The following TCF7L2 variants were observed in gnomAD, a reference collection of about 807,000 sequenced individuals.
TCF7L2 encodes the protein transcription factor 7-like 2.
TCF7L2 carries 23 observed loss-of-function variants against 77.9 expected under a neutral mutation model. The ratio of observed to expected loss-of-function variants is 0.30; its 90% CI spans 0.21 to 0.42. TCF7L2 has a LOEUF of 0.42. TCF7L2 is among the 10% of genes least tolerant of loss of function. The pLI is 1.00. For synonymous variants in TCF7L2, 413 were observed against 340.2 expected, an observed-to-expected ratio of 1.21 and a Z score of -2.36; for missense variants, 654 against 793.1, an observed-to-expected ratio of 0.82 and a Z score of 2.11.
At chr10:113,144,097 T>A in intron 7 of TCF7L2, 72 bp downstream of exon 7, 1 of 899,788 alleles carries the variant, frequency 1.1e-6, no homozygotes, top group Non-Finnish European at 1.5e-6. Flanking sequence ...TCTGTGTGTG[T>A]GTCTGTGTGT....
chr10:113,126,617 G>C (rs888016009), intron 5 of TCF7L2: 2 of 985,030 alleles, frequency 2.0e-6, no homozygotes, highest in Non-Finnish European at 2.4e-6. Context: ...TTGTGGAATC[G>C]GGGGAGATCC....
intron 4 of TCF7L2, among the ~76,000 whole-genome samples, chr10:113,004,966 C>G (rs1191204334): frequency 6.6e-6 from 1 of 152,118 alleles, no homozygotes; most frequent in African/African-American, 2.4e-5. Context: ...AGCCACTGTG[C>G]CCAGCCTAGG....
chr10:113,126,604 T>C, intron 5 of TCF7L2: 1 of 983,980 alleles, frequency 1.0e-6, no homozygotes, highest in Non-Finnish European at 1.2e-6. Flanking sequence ...GGGGGGTGGG[T>C]TGTTGTGGAA....
intron 5 of TCF7L2, among the ~76,000 whole-genome samples, chr10:113,102,124 A>C (rs1293843425): frequency 6.2e-5 from 9 of 146,088 alleles, no homozygotes; most frequent in East Asian, 2.0e-4. Context: ...AAAAAAAAAA[A>C]AAAAAAAAAA....
At chr10:113,160,033 T>C (rs749446355) in intron 12 of TCF7L2, 41 bp downstream of exon 14, 3 of 1,578,864 alleles carry the variant, frequency 1.9e-6, no homozygotes, top group Middle Eastern at 1.7e-4. Flanking sequence ...GGTTTGCAGC[T>C]GGTCTATTCG....
intron 4 of TCF7L2, among the ~76,000 whole-genome samples, chr10:112,996,336 G>A (rs1218691250): frequency 2.6e-5 from 4 of 152,180 alleles, no homozygotes; most frequent in African/African-American, 7.2e-5. Context: ...TGCTGCTTTC[G>A]GTGATGCCCG....
intron 5 of TCF7L2, among the ~76,000 whole-genome samples, chr10:113,059,261 A>G (rs2055991234): frequency 6.6e-6 from 1 of 152,102 alleles, no homozygotes; most frequent in Non-Finnish European, 1.5e-5. Context: ...ACCGGCTTGC[A>G]TATCATTTCA....
At position 112,988,135 on chromosome 10, in the gene TCF7L2, C is replaced by G. The variant is rs142780344; in HGVS notation, c.450+23511C>G. 2.0e-5 allele frequency among the ~76,000 whole-genome samples: 3 copies of G among 151,224 alleles called. No individual in the cohort carries two copies. In the South Asian group the frequency reaches 6.3e-4, roughly 32 times the overall value. ...GTGTGTTTTGAGACAGAGTCTTGCT[C>G]TTGTTGCCCAGGCTGGAGTACAGTG... On this transcript the variant is annotated intron_variant, in intron 4 of 13. Coordinates refer to ENST00000627217, the MANE Select transcript of TCF7L2 (RefSeq NM_001146274.2).
intron 5 of TCF7L2, among the ~76,000 whole-genome samples, chr10:113,086,156 A>T (rs1407360828): frequency 3.3e-5 from 5 of 152,136 alleles, no homozygotes; most frequent in Admixed American, 6.5e-5. Flanking sequence ...ATTTACTTTT[A>T]TCCTGTAACA....
At chr10:113,076,722 C>A (rs1440615544) in intron 5 of TCF7L2, among the ~76,000 whole-genome samples, 1 of 152,146 alleles carries the variant, frequency 6.6e-6, no homozygotes, top group East Asian at 1.9e-4. Flanking sequence ...TGTTAAGTGG[C>A]TTTGTTGAAG....
chr10:112,998,494 T>G (rs927080145), intron 4 of TCF7L2, among the ~76,000 whole-genome samples: 1 of 152,164 alleles, frequency 6.6e-6, no homozygotes, highest in Admixed American at 6.5e-5. Context: ...GAAGATTCCT[T>G]TTTAAATGGT....
chr10:113,165,921 G>C lies in TCF7L2; in HGVS notation c.1758G>C (p.Leu586=), dbSNP rs768373644. 1.9e-6 allele frequency: 3 copies of C among 1,570,584 alleles called. No homozygotes were observed. In the South Asian group the frequency reaches 3.5e-5, roughly 18 times the overall value. Residue 586 remains leucine (L), a synonymous_variant, in exon 14 of 14, where the codon CTG becomes CTC. Transcript: ENST00000627217. ...CTTCCTTACATTCCCACAGCTCCCT[G>C]GCCGGGACCCAGCCCCAGCCGCTGT...
intron 5 of TCF7L2, among the ~76,000 whole-genome samples, chr10:113,108,189 G>A (rs1378432293): frequency 6.6e-6 from 1 of 152,126 alleles, no homozygotes; most frequent in East Asian, 1.9e-4. Context: ...AACCATGTTT[G>A]CACAGTGATC....
At chr10:112,954,997 C>T (rs1449584629) in intron 3 of TCF7L2, among the ~76,000 whole-genome samples, 1 of 152,042 alleles carries the variant, frequency 6.6e-6, no homozygotes, top group Non-Finnish European at 1.5e-5. Context: ...GAAAAATGGA[C>T]GTTTTTTCCT....
chr10:113,046,521 A>C (rs1404767238), intron 5 of TCF7L2, among the ~76,000 whole-genome samples: 1 of 152,162 alleles, frequency 6.6e-6, no homozygotes, highest in Non-Finnish European at 1.5e-5. Flanking sequence ...TTTTGCTGTT[A>C]AATTCTGCTA....
At chr10:113,135,611 G>A (rs2067278329) in intron 5 of TCF7L2, among the ~76,000 whole-genome samples, 1 of 152,162 alleles carries the variant, frequency 6.6e-6, no homozygotes, top group Non-Finnish European at 1.5e-5. Flanking sequence ...GCCCAGAACT[G>A]ACGACATAAA....
At chr10:112,980,704 T>C (rs532930378) in intron 4 of TCF7L2, among the ~76,000 whole-genome samples, 1 of 152,080 alleles carries the variant, frequency 6.6e-6, no homozygotes, top group East Asian at 1.9e-4. Context: ...CTTGGCTCAC[T>C]GCAAGCTCCG....
chr10:113,103,613 A>T (rs2061920311), intron 5 of TCF7L2, among the ~76,000 whole-genome samples: 1 of 152,178 alleles, frequency 6.6e-6, no homozygotes, highest in South Asian at 2.1e-4. Context: ...TGCATTGAGA[A>T]TCAAATGTGA....
chr10:112,951,078 C>T, intron 1 of TCF7L2, 129 bp from the exon 2 acceptor site: 1 of 1,331,988 alleles, frequency 7.5e-7, no homozygotes. Flanking sequence ...ACGGTGCCAC[C>T]ATTGCAAAAA....
Sources: gnomAD v4.1 joint callset for allele counts (sites outside exome capture counted in the v4.1 genomes callset) on GRCh38, gnomAD v4.1.1 for gene constraint, MANE v1.5 for transcripts, NCBI Gene and HGNC (gene_info 2026-07-23, HGNC 2026-07-21) for gene names.